Variants in MYO3A observed in about 807,000 individuals in gnomAD.
MYO3A encodes the protein myosin-IIIa.
A neutral mutation model predicts 192.7 loss-of-function variants in MYO3A; 180 were observed. That is an observed-to-expected ratio of 0.93 (90% confidence interval 0.83 to 1.06). The LOEUF (loss-of-function observed/expected upper bound fraction) is 1.06, where lower values mean the gene tolerates loss of function less well. Ranked by LOEUF, MYO3A falls within the 50% of genes least tolerant of loss-of-function variation. MYO3A has a pLI of 0.00. For synonymous variants in MYO3A, 628 were observed against 645.3 expected (o/e 0.97, Z 0.41); for missense variants, 1,896 against 1,905.0 (o/e 1.00, Z 0.09).
At chr10:26,065,319 C>G (rs1052700632) in intron 10 of MYO3A, among the ~76,000 whole-genome samples, 5 of 152,090 alleles carry the variant, frequency 3.3e-5, no homozygotes, top group Non-Finnish European at 7.4e-5. Flanking sequence ...CATGGTGGCT[C>G]ACGCCTATAA....
At chr10:26,055,294 G>A (rs1347146691) in intron 10 of MYO3A, among the ~76,000 whole-genome samples, 1 of 152,062 alleles carries the variant, frequency 6.6e-6, no homozygotes, top group African/African-American at 2.4e-5. Flanking sequence ...CATTTAAGGA[G>A]GTTAGAAGTT....
intron 29 of MYO3A, among the ~76,000 whole-genome samples, chr10:26,172,392 G>A (rs765221312): frequency 1.2e-3 from 176 of 152,232 alleles, no homozygotes; most frequent in Non-Finnish European, 1.5e-3. Context: ...GCTCTGAAGG[G>A]TTGATCCTCA....
chr10:26,199,192 CTTATA>C (rs764934840), intron 32 of MYO3A, among the ~76,000 whole-genome samples: 10 of 152,128 alleles, frequency 6.6e-5, no homozygotes, highest in Non-Finnish European at 1.0e-4. Context: ...TGTATAACGA[CTTATA>C]TTATGAGCCA....
rs149579153 is a variant in MYO3A, at chr10:26,105,515, A to T, written c.1776+8833A>T. On this transcript the variant is annotated intron_variant, in intron 17 of 34. Coordinates refer to ENST00000642920, the MANE Select transcript of MYO3A (RefSeq NM_017433.5). ...TTAGATTTACTCTTATGAATTGTAT[A>T]TTTATATATGTTGCCCCTTTTATTG... Among the ~76,000 whole-genome samples, 225 of 152,156 alleles carry T rather than the reference A, an allele frequency of 1.5e-3. 3 individuals carry two copies. The highest frequency in any genetic ancestry group is 5.1e-3 in the African/African-American group (210 of 41,540).
chr10:25,950,329 G>T (rs1477742378), intron 2 of MYO3A, among the ~76,000 whole-genome samples: 2 of 152,038 alleles, frequency 1.3e-5, no homozygotes, highest in African/African-American at 4.8e-5. Context: ...TGAAGTACAG[G>T]CATCACTTGT....
At chr10:26,012,793 A>C (rs371085798) in intron 6 of MYO3A, among the ~76,000 whole-genome samples, 15 of 152,282 alleles carry the variant, frequency 9.9e-5, no homozygotes, top group East Asian at 7.7e-4. Flanking sequence ...AGCAATCCTA[A>C]GCAAAAAACA....
chr10:25,936,405 T>A (rs1166796522), intron 2 of MYO3A, among the ~76,000 whole-genome samples: 6 of 152,344 alleles, frequency 3.9e-5, no homozygotes, highest in Admixed American at 3.3e-4. Context: ...GTAAAATGTT[T>A]ATTATGTAAA....
intron 10 of MYO3A, among the ~76,000 whole-genome samples, chr10:26,045,875 A>G (rs1201821967): frequency 6.6e-6 from 1 of 152,122 alleles, no homozygotes; most frequent in Non-Finnish European, 1.5e-5. Flanking sequence ...ATTTGTGCCT[A>G]TCCAGTGAAG....
intron 2 of MYO3A, among the ~76,000 whole-genome samples, chr10:25,950,292 A>T (rs2185325): frequency 0.043 from 6,595 of 152,270 alleles, 184 homozygotes; most frequent in Middle Eastern, 0.068. Context: ...AGGATTTATT[A>T]TTCCTTCCAT....
intron 20 of MYO3A, among the ~76,000 whole-genome samples, chr10:26,136,244 G>A (rs1413866986): frequency 6.6e-6 from 1 of 152,152 alleles, no homozygotes; most frequent in Non-Finnish European, 1.5e-5. Context: ...AAAAATAAGA[G>A]ATACTGATTT....
intron 14 of MYO3A, among the ~76,000 whole-genome samples, chr10:26,081,133 T>TCCCCGCCC: frequency 1.2e-5 from 1 of 84,940 alleles, no homozygotes; most frequent in Non-Finnish European, 2.5e-5. Flanking sequence ...TATATGCCCT[T>TCCCCGCCC]CCCCCCCCCC....
At chr10:26,000,610 G>GTT (rs148206647) in intron 6 of MYO3A, among the ~76,000 whole-genome samples, 2 of 150,918 alleles carry the variant, frequency 1.3e-5, no homozygotes, top group African/African-American at 2.4e-5. Flanking sequence ...ACACCACAGG[G>GTT]TTTTTTTTTA....
intron 20 of MYO3A, among the ~76,000 whole-genome samples, chr10:26,138,982 G>C (rs1332017701): frequency 1.3e-5 from 2 of 152,206 alleles, no homozygotes; most frequent in African/African-American, 4.8e-5. Flanking sequence ...CTGATTGCTA[G>C]CTTCACAAAT....
chr10:26,098,215 G>C (rs1837182809), intron 17 of MYO3A, among the ~76,000 whole-genome samples: 1 of 150,832 alleles, frequency 6.6e-6, no homozygotes, highest in Non-Finnish European at 1.5e-5. Context: ...TAAATGTCTT[G>C]AGAAGTGTCT....
intron 31 of MYO3A, among the ~76,000 whole-genome samples, chr10:26,192,154 A>T (rs552660363): frequency 2.0e-5 from 3 of 152,362 alleles, no homozygotes; most frequent in South Asian, 4.1e-4. Flanking sequence ...TGTAATGAAC[A>T]TGAACATCCA....
intron 32 of MYO3A, among the ~76,000 whole-genome samples, chr10:26,200,142 C>T (rs1006512629): frequency 1.3e-5 from 2 of 152,208 alleles, no homozygotes; most frequent in Non-Finnish European, 2.9e-5. Context: ...TCCTCCCAGA[C>T]TTGATGCAAG....
Position 25,996,528 on chromosome 10 carries a change from A to G in MYO3A, c.342A>G (p.Gly114=). ...SGGSVTDLVK[G]FLKRGERMSE... is the part of the protein sequence containing the mutation. ...GATCAGTGACTGACCTTGTGAAAGG[A>G]TTTCTGAAGAGGGGTGAAAGAATGA... The change falls in exon 5 of 35, where the codon GGA becomes GGG. Residue 114 remains glycine (G), a synonymous_variant. Transcript: ENST00000642920. 2 of 1,613,864 alleles carry G rather than the reference A, an allele frequency of 1.2e-6. No homozygotes were observed. The highest frequency in any genetic ancestry group is 2.2e-5 in the South Asian group (2 of 91,078).
At chr10:26,076,291 ATC>A (rs1246763471) in intron 14 of MYO3A, among the ~76,000 whole-genome samples, 3 of 151,950 alleles carry the variant, frequency 2.0e-5, no homozygotes, top group Admixed American at 6.6e-5. Context: ...CCATTTTTAC[ATC>A]TTCTTTAGAG....
chr10:25,969,079 A>T (rs542407645), intron 4 of MYO3A, among the ~76,000 whole-genome samples: 76 of 152,252 alleles, frequency 5.0e-4, no homozygotes, highest in African/African-American at 1.8e-3. Context: ...CTCTACTAAA[A>T]ATACAAAAAA....
Sources: allele counts gnomAD v4.1 joint callset (sites outside exome capture counted in the v4.1 genomes callset), GRCh38; gene constraint gnomAD v4.1.1; transcripts MANE v1.5; gene names NCBI Gene and HGNC (gene_info 2026-07-23, HGNC 2026-07-21).